The following RANBP2 variants were observed in gnomAD, a reference collection of about 807,000 sequenced individuals.
RANBP2 encodes the protein E3 SUMO-protein ligase RanBP2.
RANBP2 carries 57 observed loss-of-function variants against 303.6 expected under a neutral mutation model. The ratio of observed to expected loss-of-function variants is 0.19; its 90% CI spans 0.15 to 0.23. RANBP2 has a LOEUF of 0.23. RANBP2 is among the 10% of genes least tolerant of loss of function. The pLI is 1.00. For missense variants in RANBP2, 3,138 were observed against 3,780.8 expected, an observed-to-expected ratio of 0.83 and a Z score of 4.46; for synonymous variants, 1,167 against 1,301.5, an observed-to-expected ratio of 0.90 and a Z score of 2.23.
the RANBP2 span, among the ~76,000 whole-genome samples, chr2:108,819,381 T>G: frequency 6.6e-6 from 1 of 152,196 alleles, no homozygotes; most frequent in South Asian, 2.1e-4. Flanking sequence ...ATATTTTGGC[T>G]TATCCAAAGT....
At chr2:109,235,179 G>A in the RANBP2 span, among the ~76,000 whole-genome samples, 102 of 152,142 alleles carry the variant, frequency 6.7e-4, no homozygotes, top group Non-Finnish European at 1.3e-3. Context: ...ACTTCAGAGC[G>A]GGAGGAACCT....
the RANBP2 span, among the ~76,000 whole-genome samples, chr2:109,592,727 C>G: frequency 6.6e-6 from 1 of 151,114 alleles, no homozygotes; most frequent in Admixed American, 6.6e-5. Context: ...TTGCAGTGAG[C>G]CGAGATCATG....
chr2:109,614,688 C>G, the RANBP2 span: 1 of 1,487,542 alleles, frequency 6.7e-7, no homozygotes, highest in Non-Finnish European at 8.9e-7. Context: ...GGCCACTGTG[C>G]GCGTCGATCC....
chr2:109,590,641 C>T, the RANBP2 span, among the ~76,000 whole-genome samples: 5 of 152,096 alleles, frequency 3.3e-5, no homozygotes, highest in African/African-American at 1.2e-4. Flanking sequence ...GTCGGTCAGG[C>T]TGGTCTCGAA....
At chr2:109,670,099 T>C in the RANBP2 span, among the ~76,000 whole-genome samples, 1 of 152,066 alleles carries the variant, frequency 6.6e-6, no homozygotes, top group Admixed American at 6.6e-5. Context: ...CTCCTCTTCC[T>C]CCTCTAAGCC....
the RANBP2 span, among the ~76,000 whole-genome samples, chr2:109,219,596 G>A: frequency 3.9e-5 from 6 of 152,010 alleles, no homozygotes; most frequent in African/African-American, 1.2e-4. Context: ...AAATGAATTC[G>A]GCAAAGTTGC....
At chr2:109,102,074 A>G in the RANBP2 span, among the ~76,000 whole-genome samples, 11 of 151,886 alleles carry the variant, frequency 7.2e-5, no homozygotes, top group Admixed American at 7.2e-4. Flanking sequence ...GAGTGGCACA[A>G]TGTATATTTT....
In RANBP2 at chr2:108,764,662, T is replaced by C. The variant is rs1303986290; in HGVS notation, c.4123T>C (p.Cys1375Arg). The change falls in exon 20 of 29, where the codon TGC becomes CGC. Residue 1375 changes from cysteine (C) to arginine (R), a missense_variant. Cys to Arg is a radical substitution (Grantham distance 180). Around this residue, in one of 20 missense-constraint regions of RANBP2, gnomAD observed 388 missense variants for 328.5 expected, o/e 1.18. Coordinates refer to ENST00000283195, the MANE Select transcript of RANBP2 (RefSeq NM_006267.5). ...TTCAACTGCTAAGAAATGTGTATCATGCCAAAATCTAAACCCAAGCAATAA... is the reference window on the plus strand; with the variant it reads ...TTCAACTGCTAAGAAATGTGTATCACGCCAAAATCTAAACCCAAGCAATAA... ...NASTAKKCVS[C>R]QNLNPSNKEL... 4.3e-6 allele frequency: 7 copies of C among 1,614,044 alleles called. No homozygotes were observed. Among genetic ancestry groups the C allele is most frequent in the Non-Finnish European group, 5.1e-6 (6 of 1,179,974 alleles).
the RANBP2 span, among the ~76,000 whole-genome samples, chr2:109,452,915 G>C: frequency 2.7e-5 from 4 of 146,596 alleles, no homozygotes; most frequent in Non-Finnish European, 4.5e-5. Flanking sequence ...GGAGGCTGGT[G>C]CCAGGAGGCT....
the RANBP2 span, chr2:109,553,287 G>A: frequency 2.2e-4 from 346 of 1,547,588 alleles, 1 homozygote; most frequent in African/African-American, 3.7e-3. Flanking sequence ...GCTCACGCCT[G>A]TAATCCCAAC....
the RANBP2 span, chr2:109,544,055 A>G: frequency 2.7e-5 from 32 of 1,204,858 alleles, 2 homozygotes; most frequent in African/African-American, 2.3e-4. Flanking sequence ...GTCAGTGCTC[A>G]AAAAGATTCA....
the RANBP2 span, among the ~76,000 whole-genome samples, chr2:109,497,656 T>C: frequency 6.6e-6 from 1 of 152,184 alleles, no homozygotes; most frequent in African/African-American, 2.4e-5. Context: ...ATCAATTACT[T>C]TCCTGCAGCA....
the RANBP2 span, among the ~76,000 whole-genome samples, chr2:109,601,290 C>A: frequency 3.3e-5 from 5 of 152,316 alleles, no homozygotes; most frequent in African/African-American, 9.6e-5. Context: ...CATTAGCATA[C>A]AAAAGACATC....
chr2:109,266,233 C>T, the RANBP2 span, among the ~76,000 whole-genome samples: 1 of 146,100 alleles, frequency 6.8e-6, no homozygotes, highest in African/African-American at 2.6e-5. Flanking sequence ...TATGTGTATT[C>T]AGTGTGTTGT....
chr2:108,910,567 T>C, the RANBP2 span: 1 of 1,574,562 alleles, frequency 6.4e-7, no homozygotes, highest in Non-Finnish European at 8.7e-7. Flanking sequence ...GAGATAGGAG[T>C]TAGAATTGGC....
the RANBP2 span, among the ~76,000 whole-genome samples, chr2:109,101,938 T>A: frequency 1.3e-5 from 2 of 152,190 alleles, no homozygotes; most frequent in African/African-American, 4.8e-5. Context: ...CCAGCCATCC[T>A]CTAGCTGGAT....
the RANBP2 span, among the ~76,000 whole-genome samples, chr2:108,900,407 T>C: frequency 6.6e-6 from 1 of 151,844 alleles, no homozygotes; most frequent in African/African-American, 2.4e-5. Context: ...TATACAAAAT[T>C]AGCTGGTGTG....
At chr2:109,323,604 G>T in the RANBP2 span, among the ~76,000 whole-genome samples, 2 of 152,314 alleles carry the variant, frequency 1.3e-5, no homozygotes, top group South Asian at 4.1e-4. Context: ...CATCTGCACT[G>T]GGGCTGGAGA....
At chr2:109,275,302 C>T in the RANBP2 span, among the ~76,000 whole-genome samples, 1 of 152,150 alleles carries the variant, frequency 6.6e-6, no homozygotes, top group Non-Finnish European at 1.5e-5. Context: ...CCTAGAGGCA[C>T]ACCAGGGGAA....
Sources: allele counts gnomAD v4.1 joint callset (sites outside exome capture counted in the v4.1 genomes callset), GRCh38; gene constraint gnomAD v4.1.1; regional missense constraint gnomAD v4.1.1; transcripts MANE v1.5; gene names NCBI Gene and HGNC (gene_info 2026-07-23, HGNC 2026-07-21).